Variants in RRM2 observed in about 807,000 individuals in gnomAD.
The protein encoded by RRM2 is ribonucleotide reductase regulatory subunit M2, also known as ribonucleoside-diphosphate reductase subunit M2.
In RRM2, 6 loss-of-function variants were observed where a neutral mutation model predicts 45.9. The observed-to-expected ratio is 0.13, with a 90% CI of 0.07 to 0.26. The LOEUF is 0.26. RRM2 is among the 10% of genes least tolerant of loss of function. The pLI is 1.00. For synonymous variants in RRM2, 177 were observed against 173.0 expected, an observed-to-expected ratio of 1.02 and a Z score of -0.18; for missense variants, 343 against 489.5, an observed-to-expected ratio of 0.70 and a Z score of 2.82.
At position 10,200,597 on chromosome 2, in the gene RRM2, A is replaced by T. The variant is rs1277576867; in HGVS notation, n.483-9714A>T. ...GGCCCACAGGGACCGCGCGCGCAAAATATGAGGCCCACAGGGACCGCGCGC... is the reference window on the plus strand; with the variant it reads ...GGCCCACAGGGACCGCGCGCGCAAATTATGAGGCCCACAGGGACCGCGCGC... On this transcript the variant is annotated intron_variant and non_coding_transcript_variant, in intron 3 of 3. Coordinates refer to the RRM2 transcript ENST00000381786. 5.1e-4 allele frequency among the ~76,000 whole-genome samples: 25 copies of T among 49,078 alleles called. 6 individuals carry two copies. The highest frequency in any genetic ancestry group is 3.0e-3 in the South Asian group (4 of 1,352). 32.2% of individuals were successfully genotyped at this position (49,078 alleles called of 152,430 possible). A position where few individuals can be genotyped will look rare whatever the true frequency, so the allele number is the denominator to read the frequency against.
chr2:10,202,676 G>A (rs1026304613), intron 3 of RRM2, among the ~76,000 whole-genome samples: 1 of 152,180 alleles, frequency 6.6e-6, no homozygotes, highest in African/African-American at 2.4e-5. Flanking sequence ...GTTGGAATGT[G>A]TCTGGTTGGA....
intron 3 of RRM2, among the ~76,000 whole-genome samples, chr2:10,168,073 T>C (rs1328828666): frequency 6.7e-6 from 1 of 149,470 alleles, no homozygotes; most frequent in Non-Finnish European, 1.5e-5. Flanking sequence ...AAAATCCTGC[T>C]AGGTTGGTTT....
At position 10,127,675 on chromosome 2, in the gene RRM2, T is replaced by C. The variant is rs1056310829; in HGVS notation, c.798+455T>C. Among the ~76,000 whole-genome samples, 28 of 151,390 alleles carry C rather than the reference T, an allele frequency of 1.8e-4. No homozygotes were observed. The highest frequency in any genetic ancestry group is 3.4e-4 in the Non-Finnish European group (23 of 67,824). The stretch of plus-strand genomic sequence containing the variant: ...TTTTTATACAGACGGGGTTTCACCA[T>C]GTTTGCCAGACTGGGGTTGAACTCC... On this transcript the variant is annotated intron_variant, in intron 7 of 9. Transcript: ENST00000304567. This position sits in a 1 kb window ranked among gnomAD's most constrained non-coding sequence, Gnocchi z 4.1.
chr2:10,126,904 T>G lies in RRM2; in HGVS notation c.599T>G (p.Met200Arg). The G allele has an allele frequency of 1.9e-6, 3 of 1,614,154 alleles. No individual in the cohort carries two copies. The highest frequency in any genetic ancestry group is 2.5e-6 in the Non-Finnish European group (3 of 1,180,020). The part of the protein sequence containing the change: ...REFLFNAIET[M>R]PCVKKKADWA... ...TTTCTCTTCAATGCCATTGAAACGA[T>G]GCCTTGTGTCAAGAAGAAGGCAGAC... Residue 200 changes from methionine to arginine, a missense_variant, in exon 6 of 10, where the codon ATG becomes AGG. Transcript: ENST00000304567.
intron 3 of RRM2, among the ~76,000 whole-genome samples, chr2:10,157,017 T>TTTTC (rs1553324713): frequency 9.1e-4 from 8 of 8,758 alleles, no homozygotes; most frequent in Non-Finnish European, 1.7e-3. Context: ...AGCCCATTTC[T>TTTTC]TTTTTTTTTT....
At position 10,141,724 on chromosome 2, in the gene RRM2, G is replaced by A. The variant is rs1663083007; in HGVS notation, n.260+83G>A. 7.5e-6 allele frequency: 10 copies of A among 1,325,946 alleles called. No individual in the cohort carries two copies. The African/African-American group carries it at 1.5e-4, about 20-fold the overall frequency. The allele number at this position is 1,325,946 out of a possible 1,614,324, so 82.1% of individuals were successfully genotyped here. ...TTCTTGGGAAGGAAAGAGCAGGTGAGGGTGGGGTACTGTTCCAAGCACGGG... is the reference window on the plus strand; with the variant it reads ...TTCTTGGGAAGGAAAGAGCAGGTGAAGGTGGGGTACTGTTCCAAGCACGGG... On this transcript the variant is annotated intron_variant and non_coding_transcript_variant, in intron 1 of 3. Transcript: ENST00000381786.
intron 3 of RRM2, among the ~76,000 whole-genome samples, chr2:10,190,505 T>A (rs1460664932): frequency 2.1e-5 from 3 of 139,910 alleles, no homozygotes; most frequent in Non-Finnish European, 4.6e-5. Flanking sequence ...TGGTGATAAG[T>A]GTGATAATAA....
At chr2:10,167,147 C>T (rs1415864492) in intron 3 of RRM2, among the ~76,000 whole-genome samples, 1 of 152,226 alleles carries the variant, frequency 6.6e-6, no homozygotes, top group Non-Finnish European at 1.5e-5. Context: ...ACTCTCCCAC[C>T]CCTGCGTGGC....
At chr2:10,187,052 G>A (rs976710288) in intron 3 of RRM2, among the ~76,000 whole-genome samples, 10 of 152,246 alleles carry the variant, frequency 6.6e-5, no homozygotes, top group African/African-American at 1.9e-4. Context: ...GTGCAGCCCC[G>A]CTCTGTGGGG....
At position 10,128,959 on chromosome 2, in the gene RRM2, T is replaced by G. The variant is rs750609583; in HGVS notation, c.903+7T>G. 3 of 1,611,024 alleles carry G rather than the reference T, an allele frequency of 1.9e-6. No individual in the cohort carries two copies. Among genetic ancestry groups the G allele is most frequent in the Non-Finnish European group, 2.5e-6 (3 of 1,177,348 alleles). ...TGCTGTTCGGATAGAACAGGTAAAG[T>G]GGGTGATGAAATGGGTCACTCAAGC... On this transcript the variant is annotated splice_region_variant and intron_variant, in intron 8 of 9. Transcript: ENST00000304567.
chr2:10,162,060 G>A (rs974811201), intron 3 of RRM2, among the ~76,000 whole-genome samples: 20 of 152,226 alleles, frequency 1.3e-4, no homozygotes, highest in Admixed American at 1.2e-3. Flanking sequence ...GGCCCTTCTG[G>A]CACCATCTGC....
chr2:10,136,536 G>T (rs2125310433), upstream of RRM2, among the ~76,000 whole-genome samples: 1 of 152,334 alleles, frequency 6.6e-6, no homozygotes, highest in South Asian at 2.1e-4. Context: ...GGGAGGCCAA[G>T]GGGGGAATCC....
At chr2:10,157,016 CTTTTT>C (rs71391198) in intron 3 of RRM2, among the ~76,000 whole-genome samples, 4 of 85,928 alleles carry the variant, frequency 4.7e-5, no homozygotes, top group Non-Finnish European at 8.3e-5. Context: ...CAGCCCATTT[CTTTTT>C]TTTTTTTTTT....
chr2:10,144,510 A>C (rs934788338), intron 3 of RRM2, among the ~76,000 whole-genome samples: 2 of 152,144 alleles, frequency 1.3e-5, no homozygotes, highest in Non-Finnish European at 2.9e-5. Context: ...TACAGTGCTC[A>C]GCTTTTGGGT....
At chr2:10,151,160 T>C (rs1425865591) in intron 3 of RRM2, among the ~76,000 whole-genome samples, 1 of 152,146 alleles carries the variant, frequency 6.6e-6, no homozygotes, top group Admixed American at 6.5e-5. Flanking sequence ...CAATGGTTCA[T>C]TCCTTCTTAT....
rs1662860344 is a variant in RRM2, at chr2:10,129,820, A to T, written c.*434A>T. On this transcript the variant is annotated 3_prime_UTR_variant, in exon 10 of 10. Transcript: ENST00000304567. This position sits in a 1 kb window ranked among gnomAD's most constrained non-coding sequence, Gnocchi z 4.8. The stretch of plus-strand genomic sequence containing the variant: ...TCACAAGGCGATAATAGCTTGATTT[A>T]TTTGGTTTCTACACCAAATACATTC... The T allele has an allele frequency of 6.4e-6, 1 of 157,118 alleles. No individual in the cohort carries two copies. The highest frequency in any genetic ancestry group is 2.4e-5 in the African/African-American group (1 of 41,618). 9.7% of individuals were successfully genotyped at this position (157,118 alleles called of 1,614,324 possible). A position where few individuals can be genotyped will look rare whatever the true frequency, so the allele number is the denominator to read the frequency against.
intron 3 of RRM2, among the ~76,000 whole-genome samples, chr2:10,188,486 C>G (rs558808136): frequency 3.3e-5 from 5 of 152,186 alleles, no homozygotes; most frequent in African/African-American, 1.2e-4. Flanking sequence ...GACACCAGTC[C>G]TACTGGATTA....
intron 3 of RRM2, among the ~76,000 whole-genome samples, chr2:10,148,235 C>T (rs540647564): frequency 3.4e-5 from 5 of 148,580 alleles, no homozygotes; most frequent in Admixed American, 2.7e-4. Flanking sequence ...TTTAATGTAT[C>T]ATTTCTAAAT....
chr2:10,196,617 T>C (rs1459953098), intron 3 of RRM2, among the ~76,000 whole-genome samples: 2 of 149,450 alleles, frequency 1.3e-5, no homozygotes, highest in South Asian at 2.1e-4. Flanking sequence ...GTGGATCCCA[T>C]GGGGGGCCGG....
Sources: allele counts gnomAD v4.1 joint callset (sites outside exome capture counted in the v4.1 genomes callset), GRCh38; gene constraint gnomAD v4.1.1; non-coding constraint Gnocchi (gnomAD v3.1); transcripts MANE v1.5; gene names NCBI Gene and HGNC (gene_info 2026-07-23, HGNC 2026-07-21).